BEND7: variants seen among roughly 807,000 people sequenced by gnomAD.
BEND7 encodes BEN domain containing 7, also known as BEN domain-containing protein 7.
In BEND7, 28 loss-of-function variants were observed where a neutral mutation model predicts 50.9. The observed-to-expected ratio is 0.55, with a 90% CI of 0.41 to 0.75. The LOEUF (loss-of-function observed/expected upper bound fraction) is 0.75, where lower values mean the gene tolerates loss of function less well. Among genes scored for constraint, BEND7 ranks in the 30% least tolerant of loss-of-function variants. BEND7 has a pLI of 0.00. For missense variants in BEND7, 477 were observed against 491.3 expected, an observed-to-expected ratio of 0.97 and a Z score of 0.28; for synonymous variants, 170 against 183.9, an observed-to-expected ratio of 0.92 and a Z score of 0.61.
intron 7 of BEND7, among the ~76,000 whole-genome samples, chr10:13,448,021 T>C (rs1397173809): frequency 6.6e-6 from 1 of 152,202 alleles, no homozygotes; most frequent in African/African-American, 2.4e-5. Flanking sequence ...TCTTTGGAGA[T>C]GGCTGATTCA....
At chr10:13,465,091 C>T (rs2074095776) in intron 6 of BEND7, among the ~76,000 whole-genome samples, 1 of 152,212 alleles carries the variant, frequency 6.6e-6, no homozygotes, top group Non-Finnish European at 1.5e-5. Context: ...GTCTTCCATT[C>T]ACTGCTGGCA....
rs1305772435 is a variant in BEND7, at chr10:13,526,231, G to A, written c.62-10C>T. ...ACCTCGTGGTGATAATCTGGCATGA[G>A]AAAACAACCAAAAATTAGAATCCTA... On this transcript the variant is annotated splice_polypyrimidine_tract_variant and intron_variant, in intron 1 of 8. Coordinates refer to ENST00000466271, the MANE Select transcript of BEND7 (RefSeq NM_001369863.1). 3 of 1,277,182 alleles carry A rather than the reference G, an allele frequency of 2.3e-6. No homozygotes were observed. The highest frequency in any genetic ancestry group is 1.1e-4 in the East Asian group (2 of 17,922). The allele number at this position is 1,277,182 out of a possible 1,614,324, so 79.1% of individuals were successfully genotyped here.
intron 5 of BEND7, among the ~76,000 whole-genome samples, chr10:13,490,805 T>G (rs1266942545): frequency 6.6e-6 from 1 of 152,102 alleles, no homozygotes; most frequent in Non-Finnish European, 1.5e-5. Flanking sequence ...TTTGTTTTTT[T>G]GTTTTTGTTT....
At chr10:13,470,973 T>TA (rs1217229077) in intron 6 of BEND7, among the ~76,000 whole-genome samples, 21 of 152,228 alleles carry the variant, frequency 1.4e-4, no homozygotes, top group Non-Finnish European at 1.3e-4. Context: ...TAAGCTTCAT[T>TA]AAACATGTTC....
rs769710649 is a variant in BEND7, at chr10:13,500,018, T to G, written c.208A>C (p.Thr70Pro). The change falls in exon 3 of 9, where the codon ACT (threonine) becomes CCT (proline). Residue 70 changes from threonine to proline, a missense_variant. Physicochemically the swap from Thr to Pro is conservative, Grantham distance 38. Transcript: ENST00000466271. ...CCAACTCGCTGATAGATCCGCCCAGTGCTGTCGTTCAGCAATCTTCTCATC... is the reference window on the plus strand; with the variant it reads ...CCAACTCGCTGATAGATCCGCCCAGGGCTGTCGTTCAGCAATCTTCTCATC... ...TGMRRLLNDSTGRIYQRVGKE... is the reference protein window; with the variant it reads ...TGMRRLLNDSPGRIYQRVGKE... 5 of 1,613,602 alleles carry G rather than the reference T, an allele frequency of 3.1e-6. No homozygotes were observed. In the East Asian group the frequency reaches 1.1e-4, roughly 36 times the overall value.
At position 13,491,489 on chromosome 10, in the gene BEND7, T is replaced by C. The variant is rs77302984; in HGVS notation, c.837+1122A>G. ...CTGACTGGTCCAGCATAGAACGTTA[T>C]CATCATTAATGATGTTTTAAAATTA... On this transcript the variant is annotated intron_variant, in intron 5 of 8. Transcript: ENST00000466271. Among the ~76,000 whole-genome samples, 1,017 of 152,012 alleles carry C rather than the reference T, an allele frequency of 6.7e-3. 23 individuals carry two copies. Among genetic ancestry groups the C allele is most frequent in the Admixed American group, 0.025 (378 of 15,256 alleles).
Position 13,492,802 on chromosome 10 carries a change from T to G in BEND7, c.646A>C (p.Asn216His). ...TTTGGGGGCACTTTTTTCTTTTTAT[T>G]TCTCTTTCGTGAGACAGCAGTTCGC... The part of the protein sequence containing the change: ...SQRTAVSRKR[N>H]KKKKVPPKTV... Residue 216 changes from asparagine to histidine, a missense_variant, in exon 5 of 9, where the codon AAT (asparagine) becomes CAT (histidine). Transcript: ENST00000466271. The G allele has an allele frequency of 6.2e-7, 1 of 1,608,612 alleles. No homozygotes were observed. The highest frequency in any genetic ancestry group is 1.1e-5 in the South Asian group (1 of 89,892).
In BEND7 at chr10:13,494,727, ACTAT is replaced by A. The variant is rs559368935; in HGVS notation, c.572-1855_572-1852del. On this transcript the variant is annotated intron_variant, in intron 4 of 8. Coordinates refer to ENST00000466271, the MANE Select transcript of BEND7 (RefSeq NM_001369863.1). ...ATGTTTTGGTTTAAGGAACACGGGG[ACTAT>A]CTGAGTTTTTCTTCTCCTTTTGCAA... Among the ~76,000 whole-genome samples the A allele has an allele frequency of 3.3e-5, 5 of 152,298 alleles. No homozygotes were observed. The South Asian group carries it at 8.3e-4, about 25-fold the overall frequency.
intron 6 of BEND7, among the ~76,000 whole-genome samples, chr10:13,467,690 C>T (rs1406706409): frequency 6.6e-6 from 1 of 152,172 alleles, no homozygotes. Context: ...ATTTCAGCTG[C>T]CCTTTTCCAA....
At position 13,499,794 on chromosome 10, in the gene BEND7, A is replaced by G; in HGVS notation, c.432T>C (p.Pro144=). ...CAACCATACCATTGGAGCTCGTGGT[A>G]GGGTGGGGCTGGCTTTGGAAGGTTC... ...RSRTFQSQPH[P]TTSSNGELPV... is the part of the protein sequence containing the mutation. Residue 144 remains proline, a synonymous_variant, in exon 3 of 9, where the codon CCT becomes CCC. Coordinates refer to ENST00000466271, the MANE Select transcript of BEND7 (RefSeq NM_001369863.1). 1 of 1,606,450 alleles carries G rather than the reference A, an allele frequency of 6.2e-7. No homozygotes were observed. The highest frequency in any genetic ancestry group is 8.5e-7 in the Non-Finnish European group (1 of 1,174,176).
intron 6 of BEND7, among the ~76,000 whole-genome samples, chr10:13,467,437 A>C (rs1465316984): frequency 6.6e-6 from 1 of 152,258 alleles, no homozygotes; most frequent in Admixed American, 6.5e-5. Context: ...ATTCCTCTCT[A>C]GTATGAAAGA....
chr10:13,470,792 G>A (rs949009615), intron 6 of BEND7, among the ~76,000 whole-genome samples: 3 of 152,144 alleles, frequency 2.0e-5, no homozygotes, highest in Non-Finnish European at 4.4e-5. Context: ...CACAGTTCTG[G>A]CTGAAAACGT....
At chr10:13,438,520 TAGAA>T (rs1441170492), downstream of BEND7, 2 of 152,142 alleles carry the variant, frequency 1.3e-5, no homozygotes, top group South Asian at 2.1e-4. Context: ...AATAACAAAA[TAGAA>T]ATAAATATTT....
intron 8 of BEND7, chr10:13,446,477 G>A (rs904018919): frequency 1.3e-5 from 2 of 152,182 alleles, no homozygotes; most frequent in African/African-American, 4.8e-5. Context: ...GAGGGTTTTT[G>A]GGGGTACCTG....
At chr10:13,497,911 A>G (rs1466747092) in intron 3 of BEND7, among the ~76,000 whole-genome samples, 1 of 152,168 alleles carries the variant, frequency 6.6e-6, no homozygotes, top group Non-Finnish European at 1.5e-5. Flanking sequence ...AATTCACCAG[A>G]GCAAAACCAT....
intron 6 of BEND7, among the ~76,000 whole-genome samples, chr10:13,473,580 C>T (rs1179323762): frequency 7.2e-6 from 1 of 138,642 alleles, no homozygotes; most frequent in African/African-American, 2.7e-5. Context: ...ATATTGTCAT[C>T]GCTGTTAGAC....
chr10:13,463,443 C>G (rs893753741), intron 6 of BEND7, among the ~76,000 whole-genome samples: 3 of 152,002 alleles, frequency 2.0e-5, no homozygotes, highest in Non-Finnish European at 4.4e-5. Flanking sequence ...AGATAAAAGA[C>G]CAAATGTAAA....
At chr10:13,467,458 T>A (rs910607025) in intron 6 of BEND7, among the ~76,000 whole-genome samples, 2 of 152,254 alleles carry the variant, frequency 1.3e-5, no homozygotes, top group African/African-American at 4.8e-5. Context: ...AAGCATGACA[T>A]ACTACACTTT....
intron 4 of BEND7, 74 bp from the exon 5 acceptor site, chr10:13,492,950 T>C: frequency 6.6e-7 from 1 of 1,514,892 alleles, no homozygotes; most frequent in South Asian, 1.3e-5. Flanking sequence ...GGTCTATCCA[T>C]GTGATCTACA....
Sources: gnomAD v4.1 joint callset for allele counts (sites outside exome capture counted in the v4.1 genomes callset) on GRCh38, gnomAD v4.1.1 for gene constraint, MANE v1.5 for transcripts, NCBI Gene and HGNC (gene_info 2026-07-23, HGNC 2026-07-21) for gene names.